RANBP2: variants seen among roughly 807,000 people sequenced by gnomAD.
RANBP2 encodes the protein E3 SUMO-protein ligase RanBP2.
A neutral mutation model predicts 303.6 loss-of-function variants in RANBP2; 57 were observed. The ratio of observed to expected loss-of-function variants is 0.19; its 90% CI spans 0.15 to 0.23. The LOEUF (loss-of-function observed/expected upper bound fraction) is 0.23. Among genes scored for constraint, RANBP2 ranks in the 10% least tolerant of loss-of-function variants. The probability of loss-of-function intolerance (pLI) is 1.00; values close to 1 mark genes in which losing one functional copy is unlikely to be tolerated. For synonymous variants in RANBP2, 1,167 were observed against 1,301.5 expected (o/e 0.90, Z 2.23); for missense variants, 3,138 against 3,780.8 (o/e 0.83, Z 4.46).
chr2:108,978,959 G>A, the RANBP2 span, among the ~76,000 whole-genome samples: 9 of 152,296 alleles, frequency 5.9e-5, no homozygotes, highest in East Asian at 1.9e-4. Flanking sequence ...CCATTAACCC[G>A]GGAAAGTTCT....
At chr2:109,723,438 C>T in the RANBP2 span, among the ~76,000 whole-genome samples, 1 of 152,196 alleles carries the variant, frequency 6.6e-6, no homozygotes, top group Non-Finnish European at 1.5e-5. Context: ...GTATGAGCTA[C>T]CACACCTGGC....
the RANBP2 span, among the ~76,000 whole-genome samples, chr2:108,833,131 G>A: frequency 2.0e-5 from 3 of 152,208 alleles, no homozygotes. Flanking sequence ...CAGAGCACAG[G>A]CAATGTTTAG....
the RANBP2 span, chr2:109,545,137 TG>T: frequency 7.1e-6 from 7 of 985,246 alleles, no homozygotes; most frequent in East Asian, 4.5e-4. Flanking sequence ...TGTTGCTCTG[TG>T]GGGAACATGG....
the RANBP2 span, among the ~76,000 whole-genome samples, chr2:109,496,399 A>G: frequency 0.99 from 151,239 of 152,306 alleles, 75,094 homozygotes; most frequent in Middle Eastern, 1. Context: ...TGATTGGTGC[A>G]TTTTACAATC....
the RANBP2 span, chr2:109,732,660 G>A: frequency 2.8e-5 from 15 of 542,356 alleles, no homozygotes; most frequent in African/African-American, 9.5e-5. Context: ...TTAGAGAACC[G>A]GGTTTCATCA....
chr2:108,826,717 A>G, the RANBP2 span, among the ~76,000 whole-genome samples: 3 of 152,072 alleles, frequency 2.0e-5, no homozygotes, highest in African/African-American at 4.8e-5. Flanking sequence ...TTTTCCATAT[A>G]TGTTCTGGGT....
the RANBP2 span, among the ~76,000 whole-genome samples, chr2:108,818,341 G>GA: frequency 6.6e-6 from 1 of 152,068 alleles, no homozygotes; most frequent in African/African-American, 2.4e-5. Flanking sequence ...ATGTAATACT[G>GA]TGTTTTTATA....
At chr2:109,123,978 A>T in the RANBP2 span, among the ~76,000 whole-genome samples, 7 of 142,510 alleles carry the variant, frequency 4.9e-5, no homozygotes, top group African/African-American at 1.9e-4. Context: ...TTTTCTTTTC[A>T]GTTTTATTTA....
intron 3 of RANBP2, 98 bp downstream of exon 3, chr2:108,730,983 A>G: frequency 7.4e-7 from 1 of 1,348,042 alleles, no homozygotes; most frequent in Non-Finnish European, 1.0e-6. Flanking sequence ...TGAATATCAT[A>G]AAACAGGCAT....
the RANBP2 span, among the ~76,000 whole-genome samples, chr2:109,212,735 T>C: frequency 6.6e-6 from 1 of 152,230 alleles, no homozygotes; most frequent in Non-Finnish European, 1.5e-5. Flanking sequence ...ATTCTCTCTT[T>C]GCCCGTGGCC....
chr2:109,165,267 G>T, the RANBP2 span, among the ~76,000 whole-genome samples: 1 of 152,198 alleles, frequency 6.6e-6, no homozygotes, highest in Admixed American at 6.5e-5. Context: ...GAGTCATTTT[G>T]CAGGAAAGAG....
At chr2:109,216,063 G>A in the RANBP2 span, among the ~76,000 whole-genome samples, 1 of 152,178 alleles carries the variant, frequency 6.6e-6, no homozygotes, top group African/African-American at 2.4e-5. Flanking sequence ...AGACAGCCAA[G>A]CAGTCAGTCT....
At chr2:108,734,488 G>C (rs1412493657) in intron 4 of RANBP2, among the ~76,000 whole-genome samples, 1 of 151,362 alleles carries the variant, frequency 6.6e-6, no homozygotes, top group African/African-American at 2.4e-5. Context: ...CAGTTTGGGG[G>C]TTCTTCTGAG....
At chr2:108,719,898 T>C (rs1694082683) in intron 1 of RANBP2, among the ~76,000 whole-genome samples, 1 of 151,558 alleles carries the variant, frequency 6.6e-6, no homozygotes, top group Non-Finnish European at 1.5e-5. Context: ...GCGCTTCCTC[T>C]TTCTCCCGGC....
At chr2:109,126,608 G>A in the RANBP2 span, among the ~76,000 whole-genome samples, 7 of 152,224 alleles carry the variant, frequency 4.6e-5, no homozygotes, top group African/African-American at 1.4e-4. Context: ...AGATTTGACC[G>A]CATTTTCTGT....
At chr2:109,656,945 G>A in the RANBP2 span, among the ~76,000 whole-genome samples, 1 of 152,154 alleles carries the variant, frequency 6.6e-6, no homozygotes, top group Non-Finnish European at 1.5e-5. Context: ...CCCCAATGGA[G>A]AAGGGAAAAA....
At chr2:109,260,632 C>CT in the RANBP2 span, among the ~76,000 whole-genome samples, 10 of 152,274 alleles carry the variant, frequency 6.6e-5, no homozygotes, top group South Asian at 1.9e-3. Context: ...TGGCCCATGG[C>CT]TGAGAGCTGA....
chr2:109,314,067 C>A, the RANBP2 span, among the ~76,000 whole-genome samples: 1 of 152,028 alleles, frequency 6.6e-6, no homozygotes, highest in Middle Eastern at 3.2e-3. Context: ...AAGAGAGGGG[C>A]CGTGAGACCC....
At chr2:109,760,876 C>T in the RANBP2 span, among the ~76,000 whole-genome samples, 152 of 98,442 alleles carry the variant, frequency 1.5e-3, 9 homozygotes, top group African/African-American at 6.0e-3. Context: ...GGCCGGCCGC[C>T]GTGGGGGTGG....
Sources: allele counts gnomAD v4.1 joint callset (sites outside exome capture counted in the v4.1 genomes callset), GRCh38; gene constraint gnomAD v4.1.1; transcripts MANE v1.5; gene names NCBI Gene and HGNC (gene_info 2026-07-23, HGNC 2026-07-21).